DST: variants seen among roughly 807,000 people sequenced by gnomAD.
The protein encoded by DST is bullous pemphigoid antigen.
A neutral mutation model predicts 875.2 loss-of-function variants in DST; 253 were observed. The ratio of observed to expected loss-of-function variants is 0.29; its 90% CI spans 0.26 to 0.32. DST has a LOEUF of 0.32. Ranked by LOEUF, DST falls within the 10% of genes least tolerant of loss-of-function variation. The pLI is 1.00. For synonymous variants in DST, 3,124 were observed against 3,197.1 expected (o/e 0.98, Z 0.77); for missense variants, 8,287 against 9,111.6 (o/e 0.91, Z 3.68).
intron 4 of DST, among the ~76,000 whole-genome samples, chr6:56,781,127 GC>G (rs1466507072): frequency 1.3e-5 from 2 of 152,128 alleles, no homozygotes; most frequent in Admixed American, 1.3e-4. Flanking sequence ...GGTTACTGTA[GC>G]CTTGTAGTAT....
At chr6:56,742,209 G>A (rs575142107) in intron 4 of DST, 27 of 1,061,234 alleles carry the variant, frequency 2.5e-5, no homozygotes, top group East Asian at 2.4e-4. Context: ...AAAGCAGGTA[G>A]TGCAACTTTC....
In DST at chr6:56,511,369, G is replaced by A; in HGVS notation, c.18608C>T (p.Pro6203Leu). The A allele has an allele frequency of 6.2e-7, 1 of 1,607,304 alleles. No individual in the cohort carries two copies. The highest frequency in any genetic ancestry group is 8.5e-7 in the Non-Finnish European group (1 of 1,176,686). The change falls in exon 73 of 104, where the codon CCT becomes CTT. Residue 6203 changes from proline to leucine, a missense_variant. Transcript: ENST00000680361. ...AGTTTTGTTCATCTTATCTATATGA[G>A]GCTTGTGTTCAGCTATCAACTCACG... ...QLRELIAEHK[P>L]HIDKMNKTGP...
chr6:56,535,799 T>A (rs2152522759), intron 62 of DST, among the ~76,000 whole-genome samples: 1 of 152,326 alleles, frequency 6.6e-6, no homozygotes, highest in East Asian at 1.9e-4. Flanking sequence ...GAGTCTTTTT[T>A]CAACAAACCA....
In DST at chr6:56,561,342, G is replaced by T; in HGVS notation, c.14276C>A (p.Thr4759Asn). The change falls in exon 57 of 104, where the codon ACT (threonine) becomes AAT (asparagine). Residue 4759 changes from threonine (T) to asparagine (N), a missense_variant. This residue lies in a region of DST where 1,513 missense variants were observed against 1,677.8 expected (regional missense o/e 0.90). Transcript: ENST00000680361. ...KWQQTPAPTD[T>N]EAVKTQVEQN... is the part of the protein sequence containing the mutation. ...CTCAACTTGAGTCTTCACAGCTTCAGTATCTGTAGGTGCAGGTGTCTGCTG... is the reference window on the plus strand; with the variant it reads ...CTCAACTTGAGTCTTCACAGCTTCATTATCTGTAGGTGCAGGTGTCTGCTG... The T allele has an allele frequency of 1.1e-5, 18 of 1,613,610 alleles. No individual in the cohort carries two copies. Among genetic ancestry groups the T allele is most frequent in the Non-Finnish European group, 1.4e-5 (17 of 1,179,698 alleles).
At position 56,701,923 on chromosome 6, in the gene DST, C is replaced by T; in HGVS notation, c.919G>A (p.Val307Ile). ...GRMRFHRLQNVQIALDYLKRR... is the reference protein window; with the variant it reads ...GRMRFHRLQNIQIALDYLKRR... ...TTCAAATAGTCAAGTGCAATTTGTA[C>T]ATTCTGTAGTCTGTGAAAACGCATC... Residue 307 changes from valine (V) to isoleucine (I), a missense_variant, in exon 8 of 104, where the codon GTA becomes ATA. By Grantham distance (29) the Val-to-Ile change is conservative (BLOSUM62 3). Around this residue, in one of 10 missense-constraint regions of DST, gnomAD observed 1,160 missense variants for 1,424.3 expected, o/e 0.81. Transcript: ENST00000680361. 1 of 1,611,894 alleles carries T rather than the reference C, an allele frequency of 6.2e-7. No individual in the cohort carries two copies. The highest frequency in any genetic ancestry group is 1.1e-5 in the South Asian group (1 of 90,842).
intron 10 of DST, among the ~76,000 whole-genome samples, chr6:56,669,886 G>A (rs932572593): frequency 3.3e-5 from 5 of 152,128 alleles, no homozygotes; most frequent in South Asian, 2.1e-4. Flanking sequence ...AAGTATTAGC[G>A]TGGATTTAGC....
At chr6:56,734,496 C>G (rs1457770737) in intron 5 of DST, among the ~76,000 whole-genome samples, 1 of 152,140 alleles carries the variant, frequency 6.6e-6, no homozygotes, top group Non-Finnish European at 1.5e-5. Context: ...CCTATTTCAA[C>G]TTTAGGGCTC....
At chr6:56,736,025 A>T (rs1234014903) in intron 4 of DST, among the ~76,000 whole-genome samples, 1 of 147,050 alleles carries the variant, frequency 6.8e-6, no homozygotes, top group Non-Finnish European at 1.5e-5. Flanking sequence ...TACCCAGCTA[A>T]TTTTTTTGTT....
Position 56,561,496 on chromosome 6 carries a change from G to C in DST, c.14122C>G (p.Leu4708Val). ...ATTTTGTCCTTGAGTAAGAGGCCAAGATCTTCATAACCATGACTTATGTCA... is the reference window on the plus strand; with the variant it reads ...ATTTTGTCCTTGAGTAAGAGGCCAACATCTTCATAACCATGACTTATGTCA... ...MTDISHGYED[L>V]GLLLKDKIAE... is the part of the protein sequence containing the mutation. The change falls in exon 57 of 104, where the codon CTT (leucine) becomes GTT (valine). Residue 4708 changes from leucine (L) to valine (V), a missense_variant. Around this residue, in one of 10 missense-constraint regions of DST, gnomAD observed 1,513 missense variants for 1,677.8 expected, o/e 0.90. Transcript: ENST00000680361. The C allele has an allele frequency of 6.2e-7, 1 of 1,613,740 alleles. No homozygotes were observed. The highest frequency in any genetic ancestry group is 8.5e-7 in the Non-Finnish European group (1 of 1,179,728).
intron 4 of DST, among the ~76,000 whole-genome samples, chr6:56,848,494 A>T (rs1472629761): frequency 6.6e-6 from 1 of 152,188 alleles, no homozygotes; most frequent in East Asian, 1.9e-4. Flanking sequence ...CAAAATTAGA[A>T]GTTGAATTTT....
In DST at chr6:56,487,164, T is replaced by C; in HGVS notation, c.20987A>G (p.Asp6996Gly). The C allele has an allele frequency of 6.2e-7, 1 of 1,613,988 alleles. No individual in the cohort carries two copies. Among genetic ancestry groups the C allele is most frequent in the Non-Finnish European group, 8.5e-7 (1 of 1,179,856 alleles). The change falls in exon 87 of 104, where the codon GAT (aspartate) becomes GGT (glycine). Residue 6996 changes from aspartate to glycine, a missense_variant. Coordinates refer to ENST00000680361, the MANE Select transcript of DST (RefSeq NM_001374736.1). Reference sequence around the variant, plus strand: ...GTCTCTGAGTTCACTCAGCATGTCATCCAGTTTCAGGTTGTCATCAGCCAG... The same window carrying C: ...GTCTCTGAGTTCACTCAGCATGTCACCCAGTTTCAGGTTGTCATCAGCCAG... ...TSLADDNLKLDDMLSELRDKW... is the reference protein window; with the variant it reads ...TSLADDNLKLGDMLSELRDKW...
chr6:56,619,748 T>G, intron 36 of DST: 3 of 1,614,206 alleles, frequency 1.9e-6, no homozygotes, highest in Non-Finnish European at 2.5e-6. Context: ...TTTCTCCGCC[T>G]GATCCTTCCT....
rs375755248 is a variant in DST, at chr6:56,600,123, G to A, written c.11640C>T (p.Ala3880=). Residue 3880 remains alanine, a synonymous_variant, in exon 45 of 104, where the codon GCC becomes GCT. Coordinates refer to ENST00000680361, the MANE Select transcript of DST (RefSeq NM_001374736.1). ...CAACTGTGCCATCTCCAATCATGAAGGCTTCTTGGTGACCAATTAGGCGGT... is the reference window on the plus strand; with the variant it reads ...CAACTGTGCCATCTCCAATCATGAAAGCTTCTTGGTGACCAATTAGGCGGT... The part of the protein sequence containing the change: ...TENRLIGHQE[A]FMIGDGTVEL... 6.2e-7 allele frequency: 1 copy of A among 1,613,006 alleles called. No homozygotes were observed. Among genetic ancestry groups the A allele is most frequent in the Non-Finnish European group, 8.5e-7 (1 of 1,179,258 alleles).
intron 49 of DST, among the ~76,000 whole-genome samples, chr6:56,583,191 A>G (rs2098060553): frequency 6.6e-6 from 1 of 152,190 alleles, no homozygotes; most frequent in South Asian, 2.1e-4. Flanking sequence ...ACAATGGTTG[A>G]ACTAGTTTAC....
In DST at chr6:56,593,821, C is replaced by T. The variant is rs1447756965; in HGVS notation, c.12568G>A (p.Asp4190Asn). 1.2e-6 allele frequency: 2 copies of T among 1,613,800 alleles called. No homozygotes were observed. Among genetic ancestry groups the T allele is most frequent in the African/African-American group, 1.3e-5 (1 of 74,910 alleles). Residue 4190 changes from aspartate (D) to asparagine (N), a missense_variant, in exon 48 of 104, where the codon GAC becomes AAC. Asp to Asn is a conservative substitution (Grantham distance 23, BLOSUM62 1). Coordinates refer to ENST00000680361, the MANE Select transcript of DST (RefSeq NM_001374736.1). ...CCAGAAATTGTGATGTATCTCAAGTCACCTTTGTGAGAAATAACGTCTTCT... is the reference window on the plus strand; with the variant it reads ...CCAGAAATTGTGATGTATCTCAAGTTACCTTTGTGAGAAATAACGTCTTCT... ...FSEDVISHKG[D>N]LRYITISGNR...
chr6:56,644,725 G>C (rs970554767), intron 15 of DST, among the ~76,000 whole-genome samples: 1 of 152,238 alleles, frequency 6.6e-6, no homozygotes, highest in Non-Finnish European at 1.5e-5. Context: ...GCTGAGATCT[G>C]AGAATGTTTA....
chr6:56,644,206 A>C (rs991026107), intron 15 of DST, among the ~76,000 whole-genome samples: 6 of 152,224 alleles, frequency 3.9e-5, no homozygotes, highest in African/African-American at 1.4e-4. Flanking sequence ...CAAATGATTA[A>C]CATAGTATCT....
chr6:56,654,585 G>GATATATATATATATATATATATAT (rs2098993681), intron 10 of DST, among the ~76,000 whole-genome samples: 1 of 118,822 alleles, frequency 8.4e-6, no homozygotes, highest in African/African-American at 5.0e-5. Flanking sequence ...TCTCCCCTAG[G>GATATATATATATATATATATATAT]CTATATATAT....
intron 4 of DST, among the ~76,000 whole-genome samples, chr6:56,849,764 C>T (rs1764098914): frequency 6.6e-6 from 1 of 152,160 alleles, no homozygotes; most frequent in African/African-American, 2.4e-5. Context: ...TGTCATAACT[C>T]CCTCCTTCAT....
Sources: allele counts gnomAD v4.1 joint callset (sites outside exome capture counted in the v4.1 genomes callset), GRCh38; gene constraint gnomAD v4.1.1; regional missense constraint gnomAD v4.1.1; transcripts MANE v1.5; gene names NCBI Gene and HGNC (gene_info 2026-07-23, HGNC 2026-07-21).